SLC6A2: variants seen among roughly 807,000 people sequenced by gnomAD.
SLC6A2 encodes solute carrier family 6 member 2.
In SLC6A2, 26 loss-of-function variants were observed where a neutral mutation model predicts 71.7. The ratio of observed to expected loss-of-function variants is 0.36; its 90% CI spans 0.27 to 0.50. SLC6A2 has a LOEUF of 0.50. Ranked by LOEUF, SLC6A2 falls within the 20% of genes least tolerant of loss-of-function variation. SLC6A2 has a pLI of 0.96. For missense variants in SLC6A2, 581 were observed against 803.9 expected, an observed-to-expected ratio of 0.72 and a Z score of 3.35; for synonymous variants, 363 against 337.9, an observed-to-expected ratio of 1.07 and a Z score of -0.82.
At chr16:55,695,964 T>A (rs559337438) in intron 8 of SLC6A2, among the ~76,000 whole-genome samples, 1 of 152,064 alleles carries the variant, frequency 6.6e-6, no homozygotes, top group African/African-American at 2.4e-5. Context: ...GGATCCCTTA[T>A]AGAGTATAGT....
intron 4 of SLC6A2, among the ~76,000 whole-genome samples, chr16:55,674,176 C>CCCCT (rs1767458960): frequency 6.6e-6 from 1 of 150,932 alleles, no homozygotes; most frequent in African/African-American, 2.4e-5. Flanking sequence ...GACTCTTGTC[C>CCCCT]CCCTCCCTCC....
chr16:55,675,753 T>C (rs1255194306), intron 4 of SLC6A2, among the ~76,000 whole-genome samples: 4 of 151,412 alleles, frequency 2.6e-5, no homozygotes, highest in African/African-American at 9.7e-5. Flanking sequence ...CAGTTGCTAC[T>C]GTATTGGGCA....
Position 55,702,722 on chromosome 16 carries a change from T to C in SLC6A2, c.*376T>C. 1 of 1,072,700 alleles carries C rather than the reference T, an allele frequency of 9.3e-7. No homozygotes were observed. The highest frequency in any genetic ancestry group is 1.1e-6 in the Non-Finnish European group (1 of 891,184). 66.4% of individuals were successfully genotyped at this position (1,072,700 alleles called of 1,614,324 possible). A position where few individuals can be genotyped will look rare whatever the true frequency, so the allele number is the denominator to read the frequency against. On this transcript the variant is annotated 3_prime_UTR_variant, in exon 15 of 15. Coordinates refer to ENST00000568943, the MANE Select transcript of SLC6A2 (RefSeq NM_001172501.3). Reference sequence around the variant, plus strand: ...TTAGTCCACCAAATCAGAGAGAGGATGGGCTTTTGATCAGATACCCCTCCC... The same window carrying C: ...TTAGTCCACCAAATCAGAGAGAGGACGGGCTTTTGATCAGATACCCCTCCC...
intron 2 of SLC6A2, among the ~76,000 whole-genome samples, chr16:55,657,690 G>T (rs1374464311): frequency 6.6e-6 from 1 of 152,188 alleles, no homozygotes; most frequent in Non-Finnish European, 1.5e-5. Context: ...TAGCCGCATT[G>T]CAGGGAGGAG....
intron 2 of SLC6A2, among the ~76,000 whole-genome samples, chr16:55,659,761 CACATACA>C (rs1179675026): frequency 2.0e-5 from 3 of 152,166 alleles, no homozygotes; most frequent in Non-Finnish European, 2.9e-5. Context: ...AAAGTGAAGC[CACATACA>C]ACAGTGGGGC....
chr16:55,682,637 A>G (rs761927585), intron 4 of SLC6A2, among the ~76,000 whole-genome samples: 1 of 152,172 alleles, frequency 6.6e-6, no homozygotes. Context: ...GTTAGCCCTG[A>G]TCTTGCAGAA....
intron 2 of SLC6A2, among the ~76,000 whole-genome samples, chr16:55,662,096 T>A (rs1596947591): frequency 6.6e-6 from 1 of 152,182 alleles, no homozygotes; most frequent in East Asian, 1.9e-4. Context: ...TTGGCAGAAA[T>A]GTGGTGCTCA....
At chr16:55,688,415 TA>T (rs1965521677) in intron 5 of SLC6A2, among the ~76,000 whole-genome samples, 1 of 152,240 alleles carries the variant, frequency 6.6e-6, no homozygotes, top group African/African-American at 2.4e-5. Flanking sequence ...TTTTCTTCAG[TA>T]ACATCAGTGC....
At chr16:55,658,091 A>C (rs533130546) in intron 2 of SLC6A2, among the ~76,000 whole-genome samples, 2 of 152,154 alleles carry the variant, frequency 1.3e-5, no homozygotes, top group African/African-American at 4.8e-5. Context: ...AGAGGGAGGA[A>C]GGGCAAGAAT....
Position 55,656,357 on chromosome 16 carries a change from G to A in SLC6A2, c.-52+188G>A. The A allele has an allele frequency of 2.3e-6, 1 of 428,060 alleles. No individual in the cohort carries two copies. Among genetic ancestry groups the A allele is most frequent in the South Asian group, 2.2e-5 (1 of 45,454 alleles). The allele number at this position is 428,060 out of a possible 1,614,324, so 26.5% of individuals were successfully genotyped here. ...GGCACGCTGCCCTCAGCCTCGGTGA[G>A]TTCAATCCCAGCCATTTGGGGCAGG... On this transcript the variant is annotated intron_variant, in intron 1 of 14. Coordinates refer to ENST00000568943, the MANE Select transcript of SLC6A2 (RefSeq NM_001172501.3). This position sits in a 1 kb window ranked among gnomAD's most constrained non-coding sequence, Gnocchi z 4.5.
intron 5 of SLC6A2, among the ~76,000 whole-genome samples, chr16:55,686,939 T>G (rs1301549930): frequency 6.6e-6 from 1 of 152,254 alleles, no homozygotes; most frequent in Non-Finnish European, 1.5e-5. Flanking sequence ...CATTAAGTAT[T>G]CTTTTGAATT....
chr16:55,687,250 TA>T (rs1367275923), intron 5 of SLC6A2, among the ~76,000 whole-genome samples: 1 of 152,302 alleles, frequency 6.6e-6, no homozygotes, highest in Non-Finnish European at 1.5e-5. Flanking sequence ...ATTGCACAAG[TA>T]AAGTAAGAGC....
intron 9 of SLC6A2, 43 bp from the exon 10 acceptor site, chr16:55,697,854 G>A (rs758731849): frequency 3.3e-5 from 53 of 1,611,848 alleles, no homozygotes; most frequent in Non-Finnish European, 6.8e-6. Flanking sequence ...GAGGTCCAGG[G>A]AGACCCTAAT....
Position 55,703,694 on chromosome 16 carries a change from T to C in SLC6A2, c.*1348T>C, listed in dbSNP as rs1021596278. 3.5e-5 allele frequency: 34 copies of C among 985,196 alleles called. No individual in the cohort carries two copies. The African/African-American group carries it at 5.8e-4, about 17-fold the overall frequency. The allele number at this position is 985,196 out of a possible 1,614,324, so 61.0% of individuals were successfully genotyped here. On this transcript the variant is annotated 3_prime_UTR_variant, in exon 15 of 15. Transcript: ENST00000568943. Reference sequence around the variant, plus strand: ...GTTTCTGTTTATGGTTAGAGTCTCTTACACCCTTGTTGGAGGGATTCTTAT... The same window carrying C: ...GTTTCTGTTTATGGTTAGAGTCTCTCACACCCTTGTTGGAGGGATTCTTAT...
intron 3 of SLC6A2, among the ~76,000 whole-genome samples, chr16:55,670,329 C>G (rs1331888209): frequency 6.6e-6 from 1 of 152,164 alleles, no homozygotes; most frequent in Non-Finnish European, 1.5e-5. Context: ...TCCGCTGGCA[C>G]GTGCCTCCTG....
rs374308983 is a variant in SLC6A2, at chr16:55,669,705, G to C, written c.406+9G>C. ...CTGCCCATTCTTCAAAGGTAAAGAA[G>C]GGGTGGGAGAAAGTCACGGTTGTTC... On this transcript the variant is annotated intron_variant, in intron 3 of 14. Coordinates refer to ENST00000568943, the MANE Select transcript of SLC6A2 (RefSeq NM_001172501.3). The C allele has an allele frequency of 2.0e-5, 32 of 1,613,968 alleles. No homozygotes were observed. The highest frequency in any genetic ancestry group is 2.5e-5 in the Non-Finnish European group (29 of 1,179,986).
chr16:55,694,063 A>G lies in SLC6A2; in HGVS notation c.972A>G (p.Gly324=). 3 of 1,613,600 alleles carry G rather than the reference A, an allele frequency of 1.9e-6. No homozygotes were observed. Among genetic ancestry groups the G allele is most frequent in the Non-Finnish European group, 2.5e-6 (3 of 1,179,604 alleles). Reference sequence around the variant, plus strand: ...TTTTTTCCTTGGGGGCTGGATTTGGAGTATTGATTGCATTTGCCAGTTACA... The same window carrying G: ...TTTTTTCCTTGGGGGCTGGATTTGGGGTATTGATTGCATTTGCCAGTTACA... ...QIFFSLGAGF[G]VLIAFASYNK... Residue 324 remains glycine (G), a synonymous_variant, in exon 7 of 15, where the codon GGA becomes GGG. Coordinates refer to ENST00000568943, the MANE Select transcript of SLC6A2 (RefSeq NM_001172501.3).
intron 2 of SLC6A2, among the ~76,000 whole-genome samples, chr16:55,664,210 C>T (rs577744534): frequency 6.6e-6 from 1 of 152,168 alleles, no homozygotes; most frequent in African/African-American, 2.4e-5. Context: ...TCCTGTCCCC[C>T]GCTCTGGCCG....
intron 4 of SLC6A2, among the ~76,000 whole-genome samples, chr16:55,675,146 G>C (rs573985606): frequency 6.6e-6 from 1 of 152,286 alleles, no homozygotes; most frequent in South Asian, 2.1e-4. Context: ...GGAGGGCGAT[G>C]ACTGACTTGT....
Sources: allele counts gnomAD v4.1 joint callset (sites outside exome capture counted in the v4.1 genomes callset), GRCh38; gene constraint gnomAD v4.1.1; non-coding constraint Gnocchi (gnomAD v3.1); transcripts MANE v1.5; gene names NCBI Gene and HGNC (gene_info 2026-07-23, HGNC 2026-07-21).